The following NKD2 variants were observed in gnomAD, a reference collection of about 807,000 sequenced individuals.
NKD2 encodes the protein protein naked cuticle homolog 2.
In NKD2, 43 loss-of-function variants were observed where a neutral mutation model predicts 34.8. That is an observed-to-expected ratio of 1.24 (90% CI 0.97 to 1.60). NKD2 has a LOEUF of 1.60. NKD2 is among the 40% of genes most tolerant of loss of function. NKD2 has a pLI of 0.00. For synonymous variants in NKD2, 278 were observed against 265.1 expected (o/e 1.05, Z -0.47); for missense variants, 675 against 627.1 (o/e 1.08, Z -0.82).
chr5:1,029,477 A>T (rs1756553650), intron 3 of NKD2, among the ~76,000 whole-genome samples: 1 of 152,160 alleles, frequency 6.6e-6, no homozygotes, highest in African/African-American at 2.4e-5. Context: ...GTCTGTGCAG[A>T]TTCTGTCTTG....
intron 3 of NKD2, among the ~76,000 whole-genome samples, chr5:1,027,193 G>C (rs761899277): frequency 3.6e-4 from 55 of 152,360 alleles, no homozygotes; most frequent in Middle Eastern, 6.8e-3. Flanking sequence ...CGAGCCAGGG[G>C]CTCCACCCAA....
chr5:1,037,735 G>A, intron 9 of NKD2, 70 bp from the exon 10 acceptor site: 1 of 1,572,640 alleles, frequency 6.4e-7, no homozygotes, highest in Non-Finnish European at 8.6e-7. Flanking sequence ...GTGGGCCCTG[G>A]GCCGTTTCTG....
At chr5:1,026,717 AGCCACCT>A (rs1362646946) in intron 3 of NKD2, among the ~76,000 whole-genome samples, 1 of 152,228 alleles carries the variant, frequency 6.6e-6, no homozygotes, top group Non-Finnish European at 1.5e-5. Flanking sequence ...CCCCTCCCTG[AGCCACCT>A]GCCAGGCACT....
chr5:1,014,860 T>G (rs1755885813), intron 3 of NKD2, among the ~76,000 whole-genome samples: 1 of 152,244 alleles, frequency 6.6e-6, no homozygotes, highest in Non-Finnish European at 1.5e-5. Flanking sequence ...ATGGCCGTGT[T>G]ACGTGTGGCC....
Position 1,038,690 on chromosome 5 carries a change from C to T in NKD2, c.*317C>T. On this transcript the variant is annotated 3_prime_UTR_variant, in exon 10 of 10. Transcript: ENST00000296849. The surrounding 1 kb of genome is among the most constrained non-coding windows in gnomAD (Gnocchi z 4.5). The stretch of plus-strand genomic sequence containing the variant: ...CCTGCTTTGATTCCAAAATGAGGCC[C>T]TGGAGTGCGCAAGGAGTGCCCGGAT... The T allele has an allele frequency of 5.0e-6, 3 of 601,986 alleles. No homozygotes were observed. Among genetic ancestry groups the T allele is most frequent in the East Asian group, 2.9e-5 (1 of 34,188 alleles). 37.3% of individuals were successfully genotyped at this position (601,986 alleles called of 1,614,324 possible).
chr5:1,028,642 C>T (rs1389912260), intron 3 of NKD2, among the ~76,000 whole-genome samples: 1 of 152,082 alleles, frequency 6.6e-6, no homozygotes, highest in Non-Finnish European at 1.5e-5. Flanking sequence ...CTGGAGGGTT[C>T]TCAGGGATGC....
At position 1,036,272 on chromosome 5, in the gene NKD2, C is replaced by A. The variant is rs772124825; in HGVS notation, c.675C>A (p.Asp225Glu). ...LSAHVRRPST[D>E]PQPCSERGPY... Reference sequence around the variant, plus strand: ...CTCCAAGCAGGAGGCCCAGTACTGACCCCCAGCCCTGCTCGGAGCGGGGGC... The same window carrying A: ...CTCCAAGCAGGAGGCCCAGTACTGAACCCCAGCCCTGCTCGGAGCGGGGGC... The change falls in exon 9 of 10, where the codon GAC (aspartate) becomes GAA (glutamate). Residue 225 changes from aspartate (D) to glutamate (E), a missense_variant. Asp to Glu is a conservative substitution (Grantham distance 45). Transcript: ENST00000296849. 2.5e-6 allele frequency: 4 copies of A among 1,607,962 alleles called. No homozygotes were observed. Among genetic ancestry groups the A allele is most frequent in the Non-Finnish European group, 3.4e-6 (4 of 1,177,334 alleles).
Position 1,038,759 on chromosome 5 carries a change from T to C in NKD2, c.*386T>C, listed in dbSNP as rs1311074394. On this transcript the variant is annotated 3_prime_UTR_variant, in exon 10 of 10. Transcript: ENST00000296849. This position sits in a 1 kb window ranked among gnomAD's most constrained non-coding sequence, Gnocchi z 4.5. Reference sequence around the variant, plus strand: ...TCCCGGGGCTTCAAGGGGTGACTGCTGTAGGCTGTCCCAGTGCGAGGCCGG... The same window carrying C: ...TCCCGGGGCTTCAAGGGGTGACTGCCGTAGGCTGTCCCAGTGCGAGGCCGG... 4 of 474,274 alleles carry C rather than the reference T, an allele frequency of 8.4e-6. No individual in the cohort carries two copies. The highest frequency in any genetic ancestry group is 1.5e-5 in the Non-Finnish European group (4 of 258,168). The allele number at this position is 474,274 out of a possible 1,614,324, so 29.4% of individuals were successfully genotyped here.
intron 3 of NKD2, among the ~76,000 whole-genome samples, chr5:1,024,714 C>T (rs373550737): frequency 0.029 from 588 of 20,586 alleles, no homozygotes; most frequent in Middle Eastern, 0.071. Context: ...CTCTTCCCAC[C>T]CTCTGTGGGC....
chr5:1,033,988 G>A (rs1733663277), intron 5 of NKD2: 1 of 574,672 alleles, frequency 1.7e-6, no homozygotes, highest in Non-Finnish European at 3.1e-6. Context: ...AGCTGAGATA[G>A]GTGTCACTGT....
chr5:1,025,959 T>C (rs71213502), intron 3 of NKD2, among the ~76,000 whole-genome samples: 4 of 52,234 alleles, frequency 7.7e-5, no homozygotes, highest in South Asian at 7.2e-4. Context: ...TGTGGGCGTC[T>C]CAGCCCATTG....
At chr5:1,011,527 C>T (rs981281933) in intron 3 of NKD2, among the ~76,000 whole-genome samples, 2 of 152,220 alleles carry the variant, frequency 1.3e-5, no homozygotes, top group Non-Finnish European at 2.9e-5. Context: ...CTGGGTCACC[C>T]AGGGCACCCC....
chr5:1,018,721 C>T (rs913375832), intron 3 of NKD2, among the ~76,000 whole-genome samples: 4 of 152,174 alleles, frequency 2.6e-5, no homozygotes, highest in East Asian at 3.9e-4. Flanking sequence ...TGCTTCTGGC[C>T]GGTGGTCAGG....
chr5:1,021,671 C>T (rs993770493), intron 3 of NKD2, among the ~76,000 whole-genome samples: 2 of 151,870 alleles, frequency 1.3e-5, no homozygotes, highest in Non-Finnish European at 2.9e-5. Flanking sequence ...TCCAGACAGG[C>T]GCGCTGGCGG....
intron 3 of NKD2, among the ~76,000 whole-genome samples, chr5:1,024,674 C>G: frequency 1.3e-5 from 1 of 74,970 alleles, no homozygotes; most frequent in African/African-American, 5.3e-5. Context: ...TCTTCCCACC[C>G]GCTGTGGGCG....
chr5:1,028,012 G>T (rs184715809), intron 3 of NKD2, among the ~76,000 whole-genome samples: 1 of 152,360 alleles, frequency 6.6e-6, no homozygotes, highest in African/African-American at 2.4e-5. Context: ...GCGCTGGCAC[G>T]TGGGGAACAC....
Position 1,031,519 on chromosome 5 carries a change from G to A in NKD2, c.142-633G>A, listed in dbSNP as rs184755096. On this transcript the variant is annotated intron_variant, in intron 3 of 9. Transcript: ENST00000296849. ...GCTCCAGGGCGGTGTGTGCTGGGCCGAGGGGCTCCGCACCTCCACCACTGC... is the reference window on the plus strand; with the variant it reads ...GCTCCAGGGCGGTGTGTGCTGGGCCAAGGGGCTCCGCACCTCCACCACTGC... Among the ~76,000 whole-genome samples, 391 of 151,980 alleles carry A rather than the reference G, an allele frequency of 2.6e-3. 2 individuals are homozygous for A. Among genetic ancestry groups the A allele is most frequent in the African/African-American group, 8.9e-3 (370 of 41,476 alleles).
At position 1,019,994 on chromosome 5, in the gene NKD2, C is replaced by T. The variant is rs543753060; in HGVS notation, c.141+10434C>T. 6.0e-4 allele frequency among the ~76,000 whole-genome samples: 91 copies of T among 152,176 alleles called. 1 individual carries two copies. The highest frequency in any genetic ancestry group is 5.8e-3 in the South Asian group (28 of 4,828). ...CAGTTCGGAAGTTCAGGGCCCGAGT[C>T]GTGGTTTTATTTTGTGTGTTCTGCG... On this transcript the variant is annotated intron_variant, in intron 3 of 9. Transcript: ENST00000296849.
At chr5:1,030,985 C>T (rs1026803422) in intron 3 of NKD2, among the ~76,000 whole-genome samples, 5 of 152,104 alleles carry the variant, frequency 3.3e-5, no homozygotes, top group Admixed American at 2.6e-4. Context: ...GGGGTCTGGT[C>T]CCTCTCTCCC....
Sources: gnomAD v4.1 joint callset for allele counts (sites outside exome capture counted in the v4.1 genomes callset) on GRCh38, gnomAD v4.1.1 for gene constraint, Gnocchi (gnomAD v3.1) non-coding constraint, MANE v1.5 for transcripts, NCBI Gene and HGNC (gene_info 2026-07-23, HGNC 2026-07-21) for gene names.